The following SRCAP variants were observed in gnomAD, a reference collection of about 807,000 sequenced individuals.
SRCAP encodes Snf2 related CREBBP activator protein, also known as chromatin remodeling protein SRCAP.
Under a neutral mutation model 263.1 loss-of-function variants are expected in SRCAP, and 46 were observed. The ratio of observed to expected loss-of-function variants is 0.17; its 90% CI spans 0.14 to 0.22. The LOEUF (loss-of-function observed/expected upper bound fraction) is 0.22. SRCAP is among the 10% of genes least tolerant of loss of function. The probability of loss-of-function intolerance (pLI) is 1.00; values close to 1 mark genes in which losing one functional copy is unlikely to be tolerated. For missense variants in SRCAP, 3,695 were observed against 4,181.9 expected, an observed-to-expected ratio of 0.88 and a Z score of 3.21; for synonymous variants, 1,813 against 1,662.1, an observed-to-expected ratio of 1.09 and a Z score of -2.21.
chr16:30,736,278 G>C lies in SRCAP; in HGVS notation c.6808G>C (p.Glu2270Gln). 6.2e-7 allele frequency: 1 copy of C among 1,614,196 alleles called. No homozygotes were observed. The highest frequency in any genetic ancestry group is 8.5e-7 in the Non-Finnish European group (1 of 1,180,036). ...GGCTGAACAGGTGGCTGAGCTTGCA[G>C]AATTTAATGAGAACGATGGGTTTCC... ...AKAEQVAELAEFNENDGFPAG... is the reference protein window; with the variant it reads ...AKAEQVAELAQFNENDGFPAG... The change falls in exon 32 of 34, where the codon GAA (glutamate) becomes CAA (glutamine). Residue 2270 changes from glutamate to glutamine, a missense_variant. Physicochemically the swap from Glu to Gln is conservative, Grantham distance 29 (BLOSUM62 2). This residue lies in a region of SRCAP where 91 missense variants were observed against 150.6 expected (regional missense o/e 0.60). Transcript: ENST00000262518.
chr16:30,727,365 T>A (rs2053073702), intron 25 of SRCAP, among the ~76,000 whole-genome samples: 2 of 152,236 alleles, frequency 1.3e-5, no homozygotes, highest in Admixed American at 1.3e-4. Context: ...ATATTCTGAT[T>A]ACAGATCCTT....
At chr16:30,713,078 T>G (rs1213171891) in intron 14 of SRCAP, 130 bp from the exon 15 acceptor site, 6 of 1,109,562 alleles carry the variant, frequency 5.4e-6, no homozygotes, top group Non-Finnish European at 7.8e-6. Flanking sequence ...TTTCTGTCGC[T>G]CCATTCTTTT....
intron 2 of SRCAP, 35 bp from the exon 3 acceptor site, chr16:30,700,581 T>G: frequency 4.8e-6 from 2 of 420,858 alleles, no homozygotes; most frequent in Non-Finnish European, 4.3e-6. Flanking sequence ...TTAACTGCAT[T>G]TCTGTCTTTT....
Position 30,712,399 on chromosome 16 carries a change from C to G in SRCAP, c.1953C>G (p.Ile651Met), listed in dbSNP as rs1389484578. Residue 651 changes from isoleucine to methionine, a missense_variant, in exon 13 of 34, where the codon ATC becomes ATG. Ile to Met is a conservative substitution (Grantham distance 10, BLOSUM62 1). Transcript: ENST00000262518. ...LADEMGLGKTIQTISLLAHLA... is the reference protein window; with the variant it reads ...LADEMGLGKTMQTISLLAHLA... ...ATGAGATGGGGCTTGGGAAGACCAT[C>G]CAGACCATCTCTCTGCTTGCCCACT... is the stretch of plus-strand genomic sequence containing the variant. 1 of 1,598,698 alleles carries G rather than the reference C, an allele frequency of 6.3e-7. No homozygotes were observed. The highest frequency in any genetic ancestry group is 8.5e-7 in the Non-Finnish European group (1 of 1,174,724).
rs1246064538 is a variant in SRCAP, at chr16:30,724,239, T to C, written c.4815T>C (p.Pro1605=). Residue 1605 remains proline (P), a synonymous_variant, in exon 25 of 34, where the codon CCT becomes CCC. Coordinates refer to ENST00000262518, the MANE Select transcript of SRCAP (RefSeq NM_006662.3). ...TAILAPSPAP[P]LAPLPVLAPS... ...TTCTGGCTCCTTCTCCAGCTCCTCC[T>C]CTGGCTCCTCTTCCGGTCCTGGCAC... The C allele has an allele frequency of 6.2e-7, 1 of 1,614,038 alleles. No individual in the cohort carries two copies.
At position 30,716,199 on chromosome 16, in the gene SRCAP, C is replaced by G. The variant is rs752318989; in HGVS notation, c.2627C>G (p.Thr876Ser). 3.8e-5 allele frequency: 62 copies of G among 1,613,994 alleles called. No individual in the cohort carries two copies. The highest frequency in any genetic ancestry group is 4.6e-5 in the Non-Finnish European group (54 of 1,180,026). ...CTCTATGATGACTTCATGGCACAGA[C>G]CACGTAAGGGAGGAAGGAGGGTGGG... is the stretch of plus-strand genomic sequence containing the variant. The part of the protein sequence containing the change: ...RCLYDDFMAQ[T>S]TTKETLATGH... The change falls in exon 17 of 34, where the codon ACC becomes AGC. Residue 876 changes from threonine (T) to serine (S), a missense_variant. Around this residue, in one of 12 missense-constraint regions of SRCAP, gnomAD observed 147 missense variants for 212.7 expected, o/e 0.69. Transcript: ENST00000262518.
chr16:30,699,476 G>C (rs542814055), intron 1 of SRCAP, among the ~76,000 whole-genome samples: 9 of 152,246 alleles, frequency 5.9e-5, no homozygotes, highest in Non-Finnish European at 1.2e-4. Context: ...GCAGGTATGG[G>C]ATATACAGCG....
rs143704906 is a variant in SRCAP, at chr16:30,723,591, C to A, written c.4167C>A (p.Ala1389=). The A allele has an allele frequency of 3.0e-5, 49 of 1,612,134 alleles. No homozygotes were observed. Among genetic ancestry groups the A allele is most frequent in the Non-Finnish European group, 1.2e-5 (14 of 1,179,034 alleles). The change falls in exon 25 of 34, where the codon GCC becomes GCA. Residue 1389 remains alanine (A), a synonymous_variant. Coordinates refer to ENST00000262518, the MANE Select transcript of SRCAP (RefSeq NM_006662.3). ...HSPSPEVSAS[A]PGAAPLTISS... ...CATCCTCTCTCTCCACAGCTTCAGC[C>A]CCCGGAGCTGCCCCCTTGACCATCT... is the stretch of plus-strand genomic sequence containing the variant.
intron 16 of SRCAP, among the ~76,000 whole-genome samples, chr16:30,715,154 A>G (rs1596649935): frequency 6.6e-6 from 1 of 152,224 alleles, no homozygotes; most frequent in Non-Finnish European, 1.5e-5. Flanking sequence ...ATTTGCTATC[A>G]TTAATTGAGA....
intron 12 of SRCAP, 51 bp from the exon 13 acceptor site, chr16:30,712,211 C>A (rs755566447): frequency 1.3e-6 from 2 of 1,599,982 alleles, no homozygotes; most frequent in Admixed American, 1.7e-5. Context: ...CTCATGTCCC[C>A]ACAACAAATG....
At chr16:30,707,454 G>A (rs1340375481) in intron 5 of SRCAP, 86 bp downstream of exon 5, 2 of 1,602,640 alleles carry the variant, frequency 1.2e-6, no homozygotes, top group Non-Finnish European at 1.7e-6. Flanking sequence ...ACAGAATGGT[G>A]TAGGCATTAA....
In SRCAP at chr16:30,738,349, A is replaced by G. The variant is rs1216144385; in HGVS notation, c.8309A>G (p.Gln2770Arg). 6.4e-7 allele frequency: 1 copy of G among 1,569,600 alleles called. No individual in the cohort carries two copies. The highest frequency in any genetic ancestry group is 8.6e-7 in the Non-Finnish European group (1 of 1,157,732). ...GAACTGGTGCGGCGGCGGCGGCAGC[A>G]GCGGGGAGCTGCCAGCACCCTAGTG... ...EKELVRRRRQ[Q>R]RGAASTLVPG... Residue 2770 changes from glutamine (Q) to arginine (R), a missense_variant, in exon 34 of 34, where the codon CAG becomes CGG. Gln to Arg is a conservative substitution (Grantham distance 43, BLOSUM62 1). Coordinates refer to ENST00000262518, the MANE Select transcript of SRCAP (RefSeq NM_006662.3).
rs372450034 is a variant in SRCAP at position 30,711,933 on chromosome 16, T to G, written c.1591T>G (p.Ser531Ala). The change falls in exon 12 of 34, where the codon TCT becomes GCT. Residue 531 changes from serine to alanine, a missense_variant. Coordinates refer to ENST00000262518, the MANE Select transcript of SRCAP (RefSeq NM_006662.3). ...SASEESESEESEDAQSQSQAD... is the reference protein window; with the variant it reads ...SASEESESEEAEDAQSQSQAD... ...ATCAGAGGAATCTGAGTCTGAAGAG[T>G]CTGAGGATGCCCAATCACAGAGCCA... 5 of 1,612,618 alleles carry G rather than the reference T, an allele frequency of 3.1e-6. No individual in the cohort carries two copies. The African/African-American group carries it at 5.4e-5, about 17-fold the overall frequency.
chr16:30,717,202 T>C (rs1381833012), intron 18 of SRCAP, among the ~76,000 whole-genome samples: 3 of 152,184 alleles, frequency 2.0e-5, no homozygotes, highest in Non-Finnish European at 4.4e-5. Context: ...ATTTCCTTAG[T>C]GATGAGTGCT....
chr16:30,719,113 C>T (rs980221067), intron 18 of SRCAP, among the ~76,000 whole-genome samples: 4 of 152,002 alleles, frequency 2.6e-5, no homozygotes, highest in Admixed American at 2.6e-4. Context: ...CCAGGCTGGT[C>T]TCGAACTCCT....
chr16:30,716,514 T>A (rs764224164), intron 18 of SRCAP, 35 bp downstream of exon 18: 1 of 1,569,862 alleles, frequency 6.4e-7, no homozygotes, highest in African/African-American at 1.4e-5. Flanking sequence ...AATGTAAAGG[T>A]TATCGGCATT....
At chr16:30,702,464 CCT>C (rs1335238351) in intron 3 of SRCAP, among the ~76,000 whole-genome samples, 5 of 151,538 alleles carry the variant, frequency 3.3e-5, no homozygotes, top group Non-Finnish European at 7.4e-5. Flanking sequence ...AAACTCCTGA[CCT>C]CTGGTAATCC....
At chr16:30,720,372 G>C (rs1394556831) in intron 19 of SRCAP, 41 bp downstream of exon 19, 2 of 1,588,604 alleles carry the variant, frequency 1.3e-6, no homozygotes, top group Non-Finnish European at 1.7e-6. Context: ...CCTAGAATAA[G>C]TGGCTGAAAG....
Position 30,723,100 on chromosome 16 carries a change from C to T in SRCAP, c.4030C>T (p.Pro1344Ser), listed in dbSNP as rs957940196. 5.6e-6 allele frequency: 9 copies of T among 1,613,978 alleles called. 1 individual carries two copies. Among genetic ancestry groups the T allele is most frequent in the South Asian group, 3.3e-5 (3 of 91,068 alleles). Residue 1344 changes from proline (P) to serine (S), a missense_variant, in exon 24 of 34, where the codon CCA (proline) becomes TCA (serine). Transcript: ENST00000262518. ...CTCTGGGCTTCCAGCTGTGTTGAAT[C>T]CACGCCCCACGTTAACCCCTGGCCG... is the stretch of plus-strand genomic sequence containing the variant. The part of the protein sequence containing the change: ...PSSGLPAVLN[P>S]RPTLTPGRLP...
Sources: allele counts gnomAD v4.1 joint callset (sites outside exome capture counted in the v4.1 genomes callset), GRCh38; gene constraint gnomAD v4.1.1; regional missense constraint gnomAD v4.1.1; transcripts MANE v1.5; gene names NCBI Gene and HGNC (gene_info 2026-07-23, HGNC 2026-07-21).